The following SMC2 variants were observed in gnomAD, a reference collection of about 807,000 sequenced individuals.
SMC2 encodes structural maintenance of chromosomes protein 2.
Under a neutral mutation model 142.6 loss-of-function variants are expected in SMC2, and 41 were observed. The ratio of observed to expected loss-of-function variants is 0.29; its 90% CI spans 0.22 to 0.37. The LOEUF is 0.37. Among genes scored for constraint, SMC2 ranks in the 10% least tolerant of loss-of-function variants. The pLI is 1.00. For synonymous variants in SMC2, 463 were observed against 457.5 expected (o/e 1.01, Z -0.15); for missense variants, 1,265 against 1,373.7 (o/e 0.92, Z 1.25).
intron 10 of SMC2, among the ~76,000 whole-genome samples, chr9:104,112,855 A>G (rs1344727106): frequency 2.0e-5 from 3 of 152,148 alleles, no homozygotes; most frequent in African/African-American, 7.2e-5. Context: ...CTGTCAGTTT[A>G]GCTTCTTTTC....
chr9:104,126,746 C>A lies in SMC2; in HGVS notation c.2557C>A (p.Gln853Lys). 1.2e-6 allele frequency: 2 copies of A among 1,611,846 alleles called. No homozygotes were observed. Among genetic ancestry groups the A allele is most frequent in the South Asian group, 2.2e-5 (2 of 90,878 alleles). The change falls in exon 19 of 25, where the codon CAG (glutamine) becomes AAG (lysine). Residue 853 changes from glutamine to lysine, a missense_variant. Coordinates refer to ENST00000374793, the MANE Select transcript of SMC2 (RefSeq NM_006444.3). ...VNEAIKSYES[Q>K]IEVMAAEVAK... ...TGAAGCTATCAAATCCTATGAAAGTCAGATTGAAGTAATGGCAGCTGAGGT... is the reference window on the plus strand; with the variant it reads ...TGAAGCTATCAAATCCTATGAAAGTAAGATTGAAGTAATGGCAGCTGAGGT...
Position 104,139,276 on chromosome 9 carries a change from C to G in SMC2, c.3555C>G (p.Ser1185=), listed in dbSNP as rs780983284. The G allele has an allele frequency of 6.2e-7, 1 of 1,600,900 alleles. No homozygotes were observed. The highest frequency in any genetic ancestry group is 1.1e-5 in the South Asian group (1 of 87,994). ...GAAAGATTTCAAAGGAAGCAAAATC[C>G]AAGGCAAAACCACCCAAAGGAGCAC... ...QNGKISKEAK[S]KAKPPKGAHV... The change falls in exon 25 of 25, where the codon TCC becomes TCG. Residue 1185 remains serine, a synonymous_variant. Coordinates refer to ENST00000374793, the MANE Select transcript of SMC2 (RefSeq NM_006444.3).
In SMC2 at chr9:104,113,829, C is replaced by A. The variant is rs959564850; in HGVS notation, c.1415-135C>A. ...GACAGTGGATAGAAATAGGAAGGTT[C>A]AGCATGCTTTTTTAATACTTACAGA... On this transcript the variant is annotated intron_variant, in intron 11 of 24. Coordinates refer to ENST00000374793, the MANE Select transcript of SMC2 (RefSeq NM_006444.3). 11 of 584,132 alleles carry A rather than the reference C, an allele frequency of 1.9e-5. No homozygotes were observed. In the African/African-American group the frequency reaches 2.1e-4, roughly 11 times the overall value. The allele number at this position is 584,132 out of a possible 1,614,324, so 36.2% of individuals were successfully genotyped here. A position where few individuals can be genotyped will look rare whatever the true frequency, so the allele number is the denominator to read the frequency against.
Position 104,111,765 on chromosome 9 carries a change from T to C in SMC2, c.1205T>C (p.Met402Thr), listed in dbSNP as rs144046688. ...GCAGAAGCAACTCTTGCTGGTCAAATGATGGCCTGTAAAAATGATATAAGT... is the reference window on the plus strand; with the variant it reads ...GCAGAAGCAACTCTTGCTGGTCAAACGATGGCCTGTAAAAATGATATAAGT... Reference protein sequence around the residue: ...DGAEATLAGQMMACKNDISKA... With the variant: ...DGAEATLAGQTMACKNDISKA... The change falls in exon 10 of 25, where the codon ATG (methionine) becomes ACG (threonine). Residue 402 changes from methionine to threonine, a missense_variant. This residue lies in a region of SMC2 where 898 missense variants were observed against 904.2 expected (regional missense o/e 0.99). Coordinates refer to ENST00000374793, the MANE Select transcript of SMC2 (RefSeq NM_006444.3). 6.5e-5 allele frequency: 105 copies of C among 1,613,856 alleles called. No individual in the cohort carries two copies. The highest frequency in any genetic ancestry group is 8.4e-5 in the Non-Finnish European group (99 of 1,179,916).
chr9:104,128,010 A>G lies in SMC2; in HGVS notation c.2790+530A>G, dbSNP rs934766770. Among the ~76,000 whole-genome samples the G allele has an allele frequency of 3.3e-5, 5 of 152,330 alleles. No homozygotes were observed. The South Asian group carries it at 1.0e-3, about 32-fold the overall frequency. The stretch of plus-strand genomic sequence containing the variant: ...TCCCAGTTTCTTTCTTTCATGTGTC[A>G]CAGCACCTTTACTTCAGTGCTTTAA... On this transcript the variant is annotated intron_variant, in intron 20 of 24. Coordinates refer to ENST00000374793, the MANE Select transcript of SMC2 (RefSeq NM_006444.3).
chr9:104,114,853 A>G lies in SMC2; in HGVS notation c.1671+24A>G, dbSNP rs549960613. The G allele has an allele frequency of 6.3e-6, 10 of 1,575,550 alleles. No individual in the cohort carries two copies. In the African/African-American group the frequency reaches 1.1e-4, roughly 17 times the overall value. On this transcript the variant is annotated intron_variant, in intron 13 of 24. Transcript: ENST00000374793. The stretch of plus-strand genomic sequence containing the variant: ...AAGTAAGTTGATTTTAATTTTAAAA[A>G]ATTTAAAATTTGGTTAGCTTGAAAA...
At chr9:104,106,980 T>C (rs1831871187) in intron 9 of SMC2, among the ~76,000 whole-genome samples, 1 of 152,170 alleles carries the variant, frequency 6.6e-6, no homozygotes, top group African/African-American at 2.4e-5. Flanking sequence ...ATACTATTAG[T>C]AGGCACATCT....
At chr9:104,136,880 C>T (rs1253412152) in intron 23 of SMC2, among the ~76,000 whole-genome samples, 1 of 151,176 alleles carries the variant, frequency 6.6e-6, no homozygotes, top group African/African-American at 2.4e-5. Flanking sequence ...TATGGTGGCT[C>T]ATGCCTGTAA....
intron 16 of SMC2, among the ~76,000 whole-genome samples, chr9:104,122,771 AT>A (rs1420476444): frequency 1.3e-5 from 2 of 152,034 alleles, no homozygotes; most frequent in Non-Finnish European, 2.9e-5. Context: ...ATAATTAATC[AT>A]TTTTCGTGGT....
chr9:104,119,768 T>G (rs1325883876), intron 15 of SMC2, among the ~76,000 whole-genome samples: 1 of 152,176 alleles, frequency 6.6e-6, no homozygotes, highest in Non-Finnish European at 1.5e-5. Flanking sequence ...GCAAGTCCAG[T>G]GTCAGACGAT....
Position 104,123,248 on chromosome 9 carries a change from T to C in SMC2, c.2257+16T>C. ...AAAACCATTGGTAAGATGAAAACAG[T>C]CCATGCTTAATCTCTGGTTTTATTC... On this transcript the variant is annotated intron_variant, in intron 17 of 24. Coordinates refer to ENST00000374793, the MANE Select transcript of SMC2 (RefSeq NM_006444.3). 2 of 1,608,304 alleles carry C rather than the reference T, an allele frequency of 1.2e-6. No individual in the cohort carries two copies. The highest frequency in any genetic ancestry group is 1.7e-6 in the Non-Finnish European group (2 of 1,177,300).
At chr9:104,102,683 G>C in intron 9 of SMC2, 110 bp downstream of exon 9, 1 of 1,166,978 alleles carries the variant, frequency 8.6e-7, no homozygotes, top group Non-Finnish European at 1.2e-6. Flanking sequence ...TATAAGCTAA[G>C]TACAGTTGTT....
At chr9:104,132,987 C>G (rs1050527114) in intron 22 of SMC2, among the ~76,000 whole-genome samples, 11 of 152,062 alleles carry the variant, frequency 7.2e-5, no homozygotes, top group African/African-American at 2.7e-4. Flanking sequence ...ATGCCAGTCA[C>G]TATTCTCAAA....
chr9:104,099,525 C>A, intron 4 of SMC2, 119 bp from the exon 5 acceptor site: 1 of 637,238 alleles, frequency 1.6e-6, no homozygotes, highest in South Asian at 2.0e-5. Context: ...GAGGAAAGAC[C>A]CCCCCAAAGA....
chr9:104,118,414 G>A (rs1833369401), intron 15 of SMC2, 39 bp downstream of exon 15: 1 of 1,533,058 alleles, frequency 6.5e-7, no homozygotes, highest in East Asian at 2.3e-5. Flanking sequence ...ATTCTTTGTG[G>A]TAAATAGGAA....
upstream of SMC2, among the ~76,000 whole-genome samples, chr9:104,093,985 G>A (rs540311278): frequency 4.3e-4 from 65 of 152,348 alleles, no homozygotes; most frequent in African/African-American, 1.4e-3. Context: ...GACTGGAGAA[G>A]GCGGAGTCTG....
At chr9:104,132,437 G>A (rs1835085665) in intron 22 of SMC2, among the ~76,000 whole-genome samples, 1 of 152,008 alleles carries the variant, frequency 6.6e-6, no homozygotes, top group Non-Finnish European at 1.5e-5. Flanking sequence ...GCAGATCTTA[G>A]GCTTCTTTAC....
At chr9:104,135,217 T>TGCAAGTAGGAGAGATGATGCAA (rs1217986023) in intron 23 of SMC2, among the ~76,000 whole-genome samples, 4 of 151,968 alleles carry the variant, frequency 2.6e-5, no homozygotes, top group Non-Finnish European at 5.9e-5. Flanking sequence ...TGACAGATGA[T>TGCAAGTAGGAGAGATGATGCAA]GCAAGTAGGA....
In SMC2 at chr9:104,111,687, C is replaced by T. The variant is rs770521510; in HGVS notation, c.1127C>T (p.Ala376Val). 3.1e-6 allele frequency: 5 copies of T among 1,613,868 alleles called. No homozygotes were observed. The East Asian group carries it at 6.7e-5, about 22-fold the overall frequency. The change falls in exon 10 of 25, where the codon GCA becomes GTA. Residue 376 changes from alanine to valine, a missense_variant. This residue lies in a region of SMC2 where 898 missense variants were observed against 904.2 expected (regional missense o/e 0.99). Transcript: ENST00000374793. ...SNKDAEALAA[A>V]QQHFNAVSAG... ...AAAGATGCTGAAGCTCTGGCAGCTG[C>T]ACAGCAGCACTTCAATGCTGTTTCC... is the stretch of plus-strand genomic sequence containing the variant.
Sources: gnomAD v4.1 joint callset for allele counts (sites outside exome capture counted in the v4.1 genomes callset) on GRCh38, gnomAD v4.1.1 for gene constraint, gnomAD v4.1.1 regional missense constraint, MANE v1.5 for transcripts, NCBI Gene and HGNC (gene_info 2026-07-23, HGNC 2026-07-21) for gene names.